The following BTRC variants were observed in gnomAD, a reference collection of about 807,000 sequenced individuals.
BTRC encodes the protein F-box/WD repeat-containing protein 1A.
Under a neutral mutation model 85.5 loss-of-function variants are expected in BTRC, and 42 were observed. The ratio of observed to expected loss-of-function variants is 0.49; its 90% CI spans 0.38 to 0.64. The LOEUF (loss-of-function observed/expected upper bound fraction) is 0.64, where lower values mean the gene tolerates loss of function less well. Ranked by LOEUF, BTRC falls within the 30% of genes least tolerant of loss-of-function variation. The pLI, the probability that BTRC is intolerant of heterozygous loss-of-function variation, is 0.00. For missense variants in BTRC, 594 were observed against 743.5 expected, an observed-to-expected ratio of 0.80 and a Z score of 2.34; for synonymous variants, 255 against 263.3, an observed-to-expected ratio of 0.97 and a Z score of 0.30.
intron 3 of BTRC, among the ~76,000 whole-genome samples, chr10:101,475,111 G>C (rs1945642921): frequency 6.6e-6 from 1 of 152,076 alleles, no homozygotes; most frequent in African/African-American, 2.4e-5. Flanking sequence ...CTAGAGCCCA[G>C]AATTTACATG....
At chr10:101,518,432 C>T (rs914994636) in intron 4 of BTRC, among the ~76,000 whole-genome samples, 1 of 152,140 alleles carries the variant, frequency 6.6e-6, no homozygotes, top group Non-Finnish European at 1.5e-5. Flanking sequence ...AAGGAGTAAG[C>T]AGAAGTTGCC....
chr10:101,390,141 A>G (rs1348489304), intron 1 of BTRC, among the ~76,000 whole-genome samples: 1 of 152,178 alleles, frequency 6.6e-6, no homozygotes, highest in East Asian at 1.9e-4. Flanking sequence ...ACTCTTGAGT[A>G]TATCCCAGTG....
intron 4 of BTRC, among the ~76,000 whole-genome samples, chr10:101,509,689 AC>A (rs1946647715): frequency 6.7e-6 from 1 of 148,772 alleles, no homozygotes; most frequent in Non-Finnish European, 1.5e-5. Context: ...AGTAACTGAG[AC>A]TACAGGCATG....
rs537502827 is a variant in BTRC, at chr10:101,388,950, C to G, written c.48+34722C>G. Among the ~76,000 whole-genome samples the G allele has an allele frequency of 2.6e-5, 4 of 152,240 alleles. No homozygotes were observed. The East Asian group carries it at 7.7e-4, about 29-fold the overall frequency. Reference sequence around the variant, plus strand: ...GGCCCTCTTCTCTTTCCTGTCTACACTTTGTTCCTAGATGATCATCTATTC... The same window carrying G: ...GGCCCTCTTCTCTTTCCTGTCTACAGTTTGTTCCTAGATGATCATCTATTC... On this transcript the variant is annotated intron_variant, in intron 1 of 14. Coordinates refer to ENST00000370187, the MANE Select transcript of BTRC (RefSeq NM_033637.4).
rs1422983905 is a variant in BTRC at position 101,476,185 on chromosome 10, C to G, written c.235-3183C>G. On this transcript the variant is annotated intron_variant, in intron 3 of 14. Coordinates refer to ENST00000370187, the MANE Select transcript of BTRC (RefSeq NM_033637.4). ...AGGCACAGTCTGTAGATTAACTGAT[C>G]AGTGCTGTTTAGCAGTGTCAGTCAT... is the stretch of plus-strand genomic sequence containing the variant. Among the ~76,000 whole-genome samples the G allele has an allele frequency of 4.0e-5, 6 of 151,672 alleles. No individual in the cohort carries two copies. In the East Asian group the frequency reaches 7.7e-4, roughly 20 times the overall value.
At chr10:101,390,820 C>T (rs1943219707) in intron 1 of BTRC, among the ~76,000 whole-genome samples, 1 of 151,944 alleles carries the variant, frequency 6.6e-6, no homozygotes, top group Non-Finnish European at 1.5e-5. Context: ...ATGTACTGTC[C>T]AGCACTCTCT....
At chr10:101,442,398 G>A (rs1479668347) in intron 2 of BTRC, among the ~76,000 whole-genome samples, 1 of 151,560 alleles carries the variant, frequency 6.6e-6, no homozygotes, top group East Asian at 1.9e-4. Context: ...CTATCTAATG[G>A]CAGCCTATGG....
At chr10:101,354,055 T>G, upstream of BTRC, 1 of 1,138,784 alleles carries the variant, frequency 8.8e-7, no homozygotes, top group South Asian at 1.4e-5. Context: ...CCCCTCAGCC[T>G]GCGCCTGAGA....
In BTRC at chr10:101,405,431, T is replaced by C. The variant is rs140307285; in HGVS notation, c.49-24914T>C. 2.1e-3 allele frequency among the ~76,000 whole-genome samples: 321 copies of C among 152,190 alleles called. 1 individual carries two copies. The highest frequency in any genetic ancestry group is 0.017 in the Admixed American group (261 of 15,282). ...AAGAACTTTAAAGAAAAATGGGAGA[T>C]TTTTGCCATTCTCTCTGAGTGTTAC... On this transcript the variant is annotated intron_variant, in intron 1 of 14. Coordinates refer to ENST00000370187, the MANE Select transcript of BTRC (RefSeq NM_033637.4).
chr10:101,369,357 G>A (rs1459114391), intron 1 of BTRC, among the ~76,000 whole-genome samples: 1 of 151,988 alleles, frequency 6.6e-6, no homozygotes, highest in South Asian at 2.1e-4. Context: ...GTGCTGAGAG[G>A]CATGAGCCTC....
chr10:101,490,524 T>C (rs1469483846), intron 4 of BTRC, among the ~76,000 whole-genome samples: 1 of 152,210 alleles, frequency 6.6e-6, no homozygotes, highest in African/African-American at 2.4e-5. Flanking sequence ...TGAACTAAGA[T>C]CTGACTTCAG....
Position 101,403,990 on chromosome 10 carries a change from A to ATG in BTRC, c.49-26343_49-26342dup, listed in dbSNP as rs755617852. Among the ~76,000 whole-genome samples the ATG allele has an allele frequency of 1.2e-3, 120 of 97,526 alleles. 2 individuals are homozygous for ATG. Among genetic ancestry groups the ATG allele is most frequent in the East Asian group, 3.4e-3 (11 of 3,200 alleles). The allele number at this position is 97,526 out of a possible 152,430, so 64.0% of individuals were successfully genotyped here. A position where few individuals can be genotyped will look rare whatever the true frequency, so the allele number is the denominator to read the frequency against. On this transcript the variant is annotated intron_variant, in intron 1 of 14. Transcript: ENST00000370187. ...GAACATTTTAATCCTATCTATGTGTATGTGTGTGTGTGTATATATATATAT... is the reference window on the plus strand; with the variant it reads ...GAACATTTTAATCCTATCTATGTGTATGTGTGTGTGTGTGTATATATATATAT...
At chr10:101,367,393 T>C (rs1942498819) in intron 1 of BTRC, among the ~76,000 whole-genome samples, 1 of 152,042 alleles carries the variant, frequency 6.6e-6, no homozygotes, top group Non-Finnish European at 1.5e-5. Flanking sequence ...TTAAGAAGAA[T>C]GTTCTAGTGT....
intron 1 of BTRC, chr10:101,365,080 A>G (rs966860207): frequency 6.7e-6 from 1 of 148,422 alleles, no homozygotes; most frequent in East Asian, 2.0e-4. Context: ...TTTTATTTTT[A>G]TTTTTTTTTT....
At chr10:101,384,596 C>T (rs1190678006) in intron 1 of BTRC, among the ~76,000 whole-genome samples, 1 of 152,122 alleles carries the variant, frequency 6.6e-6, no homozygotes, top group African/African-American at 2.4e-5. Context: ...TTTGGCCAGA[C>T]TAGCAGTTGA....
Position 101,521,854 on chromosome 10 carries a change from C to T in BTRC, c.540C>T (p.Phe180=), listed in dbSNP as rs758695929. ...TTAAACCTATGTTGCAGAGAGATTT[C>T]ATAACTGCTCTGCCAGGTATGTCTA... ...SYLKPMLQRD[F]ITALPARGLD... Residue 180 remains phenylalanine (F), a synonymous_variant, in exon 5 of 15, where the codon TTC becomes TTT. Transcript: ENST00000370187. 3 of 1,610,698 alleles carry T rather than the reference C, an allele frequency of 1.9e-6. No homozygotes were observed. Among genetic ancestry groups the T allele is most frequent in the Non-Finnish European group, 1.7e-6 (2 of 1,176,978 alleles).
At chr10:101,525,563 A>T (rs1476514765) in intron 5 of BTRC, among the ~76,000 whole-genome samples, 1 of 152,120 alleles carries the variant, frequency 6.6e-6, no homozygotes, top group Admixed American at 6.5e-5. Context: ...TTTAAAGGAC[A>T]TTTCTTTTAC....
At chr10:101,411,861 G>A (rs1313232683) in intron 1 of BTRC, among the ~76,000 whole-genome samples, 1 of 152,092 alleles carries the variant, frequency 6.6e-6, no homozygotes, top group Non-Finnish European at 1.5e-5. Flanking sequence ...CTTTTTAAAA[G>A]GATGTTGAGT....
rs546480626 is a variant in BTRC, at chr10:101,479,480, G to A, written c.324+23G>A. The A allele has an allele frequency of 9.0e-4, 1,413 of 1,562,080 alleles. 23 individuals are homozygous for A. In the South Asian group the frequency reaches 0.015, roughly 17 times the overall value. On this transcript the variant is annotated intron_variant, in intron 4 of 14. Coordinates refer to ENST00000370187, the MANE Select transcript of BTRC (RefSeq NM_033637.4). ...AAAGTAAGTAATATTGCTCATCAAT[G>A]TATATTACACCACACCATAACAGTG...
Sources: gnomAD v4.1 joint callset for allele counts (sites outside exome capture counted in the v4.1 genomes callset) on GRCh38, gnomAD v4.1.1 for gene constraint, MANE v1.5 for transcripts, NCBI Gene and HGNC (gene_info 2026-07-23, HGNC 2026-07-21) for gene names.